The following DPP10 variants were observed in gnomAD, a reference collection of about 807,000 sequenced individuals.
DPP10 encodes the protein inactive dipeptidyl peptidase 10.
Under a neutral mutation model 120.9 loss-of-function variants are expected in DPP10, and 33 were observed. The ratio of observed to expected loss-of-function variants is 0.27; its 90% confidence interval spans 0.21 to 0.37. DPP10 has a LOEUF of 0.37. Among genes scored for constraint, DPP10 ranks in the 10% least tolerant of loss-of-function variants. The pLI is 1.00. For synonymous variants in DPP10, 337 were observed against 326.1 expected (o/e 1.03, Z -0.36); for missense variants, 816 against 942.8 (o/e 0.87, Z 1.76).
In DPP10 at chr2:115,754,212, G is replaced by A. The variant is rs181017097; in HGVS notation, c.1074+915G>A. 9.9e-5 allele frequency among the ~76,000 whole-genome samples: 15 copies of A among 152,198 alleles called. No individual in the cohort carries two copies. The East Asian group carries it at 1.7e-3, about 18-fold the overall frequency. ...ATCTAAGCAGACAGGGAGAACCAGC[G>A]TTTGAGGCTTTTTTTGGTGACTAGC... On this transcript the variant is annotated intron_variant, in intron 11 of 25. Coordinates refer to ENST00000410059, the MANE Select transcript of DPP10 (RefSeq NM_020868.6).
chr2:114,847,053 C>CTATCATATCATATCATATCATATCA (rs143276942), intron 1 of DPP10, among the ~76,000 whole-genome samples: 5 of 151,932 alleles, frequency 3.3e-5, no homozygotes, highest in African/African-American at 1.2e-4. Context: ...GGCAGTGGTG[C>CTATCATATCATATCATATCATATCA]TATCATATCA....
chr2:114,531,159 C>T (rs1157534628), intron 1 of DPP10, among the ~76,000 whole-genome samples: 3 of 152,064 alleles, frequency 2.0e-5, no homozygotes, highest in Non-Finnish European at 4.4e-5. Context: ...TTACTGAGCA[C>T]CTCTTATATT....
intron 5 of DPP10, among the ~76,000 whole-genome samples, chr2:115,548,373 A>G (rs1299393179): frequency 3.9e-5 from 6 of 152,144 alleles, no homozygotes; most frequent in Non-Finnish European, 8.8e-5. Context: ...CAGAACCTCT[A>G]ATTTTCCTGG....
At chr2:115,080,469 C>G (rs1708182866) in intron 1 of DPP10, among the ~76,000 whole-genome samples, 1 of 152,148 alleles carries the variant, frequency 6.6e-6, no homozygotes, top group Admixed American at 6.5e-5. Context: ...ATTATGGCCC[C>G]TGGACTACAC....
intron 1 of DPP10, among the ~76,000 whole-genome samples, chr2:114,658,654 G>T (rs13399106): frequency 6.6e-6 from 1 of 152,078 alleles, no homozygotes; most frequent in Non-Finnish European, 1.5e-5. Context: ...ACTGCAAAGC[G>T]CTCATTAAAG....
intron 1 of DPP10, among the ~76,000 whole-genome samples, chr2:115,022,876 G>C (rs954040773): frequency 2.0e-5 from 3 of 151,984 alleles, no homozygotes; most frequent in Non-Finnish European, 4.4e-5. Flanking sequence ...CTTCAACAAA[G>C]CAAACAAAAG....
chr2:115,631,524 C>A (rs1558951992), intron 5 of DPP10, among the ~76,000 whole-genome samples: 1 of 152,074 alleles, frequency 6.6e-6, no homozygotes, highest in Non-Finnish European at 1.5e-5. Context: ...TGAGCTCTTT[C>A]TAGCTTTTTG....
chr2:114,706,337 A>G (rs1475833787), intron 1 of DPP10, among the ~76,000 whole-genome samples: 1 of 152,222 alleles, frequency 6.6e-6, no homozygotes, highest in Non-Finnish European at 1.5e-5. Context: ...CAAAACCTTG[A>G]TTGTTTAAAA....
At chr2:115,463,466 C>T (rs1314080683) in intron 3 of DPP10, among the ~76,000 whole-genome samples, 2 of 152,150 alleles carry the variant, frequency 1.3e-5, no homozygotes, top group African/African-American at 4.8e-5. Context: ...TGGAAGGAAG[C>T]ATAGGTAAAA....
intron 1 of DPP10, among the ~76,000 whole-genome samples, chr2:114,607,878 A>G (rs752480114): frequency 1.3e-5 from 2 of 152,178 alleles, no homozygotes; most frequent in Non-Finnish European, 2.9e-5. Context: ...TTGTTTCTGG[A>G]CCCAGTGTGG....
intron 8 of DPP10, among the ~76,000 whole-genome samples, chr2:115,731,297 G>A (rs2092903919): frequency 1.3e-5 from 2 of 151,776 alleles, no homozygotes; most frequent in Admixed American, 6.6e-5. Context: ...GTTGGAGGTT[G>A]CAGAGCCAAG....
At chr2:115,557,084 G>C (rs943502303) in intron 5 of DPP10, among the ~76,000 whole-genome samples, 7 of 152,076 alleles carry the variant, frequency 4.6e-5, no homozygotes, top group Non-Finnish European at 1.0e-4. Flanking sequence ...GGTACCCCAT[G>C]TATTCCACTA....
In DPP10 at chr2:114,885,821, C is replaced by T. The variant is rs184749955; in HGVS notation, c.61-423418C>T. On this transcript the variant is annotated intron_variant, in intron 1 of 25. Coordinates refer to ENST00000410059, the MANE Select transcript of DPP10 (RefSeq NM_020868.6). ...GAATATAGAATTGACTTCCTAGTTG[C>T]AATCCAAGTTCTTCCACTTGCTATT... is the stretch of plus-strand genomic sequence containing the variant. 3.9e-5 allele frequency among the ~76,000 whole-genome samples: 6 copies of T among 152,280 alleles called. No individual in the cohort carries two copies. The East Asian group carries it at 1.2e-3, about 29-fold the overall frequency.
At chr2:114,819,714 G>T (rs759147540) in intron 1 of DPP10, among the ~76,000 whole-genome samples, 1 of 152,174 alleles carries the variant, frequency 6.6e-6, no homozygotes, top group Non-Finnish European at 1.5e-5. Flanking sequence ...TTAACCCACA[G>T]CATATTTGAA....
intron 5 of DPP10, among the ~76,000 whole-genome samples, chr2:115,598,340 A>G (rs955149816): frequency 7.2e-5 from 11 of 151,848 alleles, no homozygotes; most frequent in African/African-American, 2.7e-4. Flanking sequence ...TATGTTGGCC[A>G]TCTTTCATTT....
Position 115,525,984 on chromosome 2 carries a change from A to G in DPP10, c.441+12A>G, listed in dbSNP as rs1575095770. 3.8e-6 allele frequency: 6 copies of G among 1,587,608 alleles called. No individual in the cohort carries two copies. The highest frequency in any genetic ancestry group is 5.2e-6 in the Non-Finnish European group (6 of 1,164,264). On this transcript the variant is annotated intron_variant, in intron 5 of 25. Transcript: ENST00000410059. ...ATGATGTCAAACAGGTAAAGGAGTG[A>G]TCTTCTTTGAGAATACTTTTCTTTG... is the stretch of plus-strand genomic sequence containing the variant.
intron 3 of DPP10, among the ~76,000 whole-genome samples, chr2:115,467,580 G>T (rs977668600): frequency 2.1e-5 from 3 of 143,086 alleles, no homozygotes; most frequent in Admixed American, 7.0e-5. Flanking sequence ...CTGACTCAAA[G>T]AAAAAAAAAA....
intron 1 of DPP10, among the ~76,000 whole-genome samples, chr2:115,209,994 C>G (rs1019388177): frequency 6.6e-6 from 1 of 152,046 alleles, no homozygotes; most frequent in Non-Finnish European, 1.5e-5. Flanking sequence ...GCCTGGGCAA[C>G]ATGAGTCGTC....
chr2:114,926,850 A>ATTATT (rs1695666301), intron 1 of DPP10, among the ~76,000 whole-genome samples: 1 of 136,574 alleles, frequency 7.3e-6, no homozygotes. Context: ...GGAAGATACA[A>ATTATT]TTTTTTTTTT....
Sources: gnomAD v4.1 joint callset for allele counts (sites outside exome capture counted in the v4.1 genomes callset) on GRCh38, gnomAD v4.1.1 for gene constraint, MANE v1.5 for transcripts, NCBI Gene and HGNC (gene_info 2026-07-23, HGNC 2026-07-21) for gene names.